The following SNX4 variants were observed in gnomAD, a reference collection of about 807,000 sequenced individuals.
SNX4 encodes the protein sorting nexin 4.
Under a neutral mutation model 70.8 loss-of-function variants are expected in SNX4, and 49 were observed. The ratio of observed to expected loss-of-function variants is 0.69; its 90% CI spans 0.55 to 0.88. SNX4 has a LOEUF of 0.88. Among genes scored for constraint, SNX4 ranks in the 40% least tolerant of loss-of-function variants. SNX4 has a pLI of 0.00. For synonymous variants in SNX4, 206 were observed against 183.8 expected (o/e 1.12, Z -0.98); for missense variants, 528 against 544.8 (o/e 0.97, Z 0.31).
At chr3:125,483,559 C>T (rs1934462567) in intron 6 of SNX4, among the ~76,000 whole-genome samples, 1 of 152,132 alleles carries the variant, frequency 6.6e-6, no homozygotes, top group Non-Finnish European at 1.5e-5. Flanking sequence ...GGTCTTAACA[C>T]CTTTGGTCAC....
At chr3:125,518,445 G>C (rs1024875072) in intron 1 of SNX4, among the ~76,000 whole-genome samples, 1 of 151,580 alleles carries the variant, frequency 6.6e-6, no homozygotes, top group African/African-American at 2.4e-5. Context: ...CTGGGAGACA[G>C]AGTGAGAACC....
At chr3:125,509,671 T>C (rs1935126334) in intron 1 of SNX4, among the ~76,000 whole-genome samples, 1 of 145,124 alleles carries the variant, frequency 6.9e-6, no homozygotes, top group African/African-American at 2.6e-5. Context: ...GAGAATCACT[T>C]GAGCCTGGGA....
At position 125,469,484 on chromosome 3, in the gene SNX4, C is replaced by T. The variant is rs1241379543; in HGVS notation, c.824G>A (p.Gly275Glu). 1 of 1,613,620 alleles carries T rather than the reference C, an allele frequency of 6.2e-7. No homozygotes were observed. Among genetic ancestry groups the T allele is most frequent in the African/African-American group, 1.3e-5 (1 of 74,932 alleles). The change falls in exon 9 of 14, where the codon GGA (glycine) becomes GAA (glutamate). Residue 275 changes from glycine to glutamate, a missense_variant. Coordinates refer to ENST00000251775, the MANE Select transcript of SNX4 (RefSeq NM_003794.4). The stretch of plus-strand genomic sequence containing the variant: ...CATATGATGACCAGCACTCTGCAGT[C>T]CATCACCCATTTCTTTTTCTATGGC... ...WSAIEKEMGD[G>E]LQSAGHHMDV...
At chr3:125,462,987 T>C (rs898052465) in intron 9 of SNX4, among the ~76,000 whole-genome samples, 1 of 152,226 alleles carries the variant, frequency 6.6e-6, no homozygotes. Context: ...GCATTGTAAA[T>C]TCCATAAGGA....
intron 8 of SNX4, among the ~76,000 whole-genome samples, chr3:125,470,448 CTT>C (rs1934136747): frequency 6.7e-6 from 1 of 150,184 alleles, no homozygotes; most frequent in South Asian, 2.1e-4. Flanking sequence ...GTATTATACT[CTT>C]AGTATAGATG....
In SNX4 at chr3:125,504,680, G is replaced by C; in HGVS notation, c.206C>G (p.Thr69Ser). 1 of 1,613,942 alleles carries C rather than the reference G, an allele frequency of 6.2e-7. No individual in the cohort carries two copies. Reference sequence around the variant, plus strand: ...TTGCATGTTCATGGCATTTCTTCCAGTTCGTTTTTCTGCTTCTGAAACACT... The same window carrying C: ...TTGCATGTTCATGGCATTTCTTCCACTTCGTTTTTCTGCTTCTGAAACACT... ...EISVSEAEKRTGRNAMNMQET... is the reference protein window; with the variant it reads ...EISVSEAEKRSGRNAMNMQET... The change falls in exon 2 of 14, where the codon ACT (threonine) becomes AGT (serine). Residue 69 changes from threonine to serine, a missense_variant. By Grantham distance (58) the Thr-to-Ser change is moderately conservative. Around this residue, in one of 3 missense-constraint regions of SNX4, gnomAD observed 341 missense variants for 312.2 expected, o/e 1.09. Transcript: ENST00000251775.
intron 9 of SNX4, among the ~76,000 whole-genome samples, chr3:125,465,862 C>G (rs1167064944): frequency 6.6e-6 from 1 of 152,026 alleles, no homozygotes; most frequent in Non-Finnish European, 1.5e-5. Flanking sequence ...AGCCTGGTCT[C>G]AAACTCCTGA....
At position 125,458,814 on chromosome 3, in the gene SNX4, CAAAAAAAAAAAAA is replaced by C. The variant is rs71148180; in HGVS notation, c.945-1462_945-1450del. On this transcript the variant is annotated intron_variant, in intron 10 of 13. Coordinates refer to ENST00000251775, the MANE Select transcript of SNX4 (RefSeq NM_003794.4). The stretch of plus-strand genomic sequence containing the variant: ...TGGGTGAAAGAGCGAGACTCCGTCT[CAAAAAAAAAAAAA>C]AAAAAAAAAAAAAAAAAAGAAAAGA... 4.2e-4 allele frequency among the ~76,000 whole-genome samples: 27 copies of C among 64,532 alleles called. No homozygotes were observed. The East Asian group carries it at 6.8e-3, about 16-fold the overall frequency. The allele number at this position is 64,532 out of a possible 152,430, so 42.3% of individuals were successfully genotyped here.
chr3:125,466,720 A>G (rs999224230), intron 9 of SNX4, among the ~76,000 whole-genome samples: 2 of 152,180 alleles, frequency 1.3e-5, no homozygotes, highest in Non-Finnish European at 2.9e-5. Flanking sequence ...TGAACTGGGG[A>G]GGAGGAGGCT....
intron 1 of SNX4, among the ~76,000 whole-genome samples, chr3:125,509,330 C>CA (rs577424404): frequency 0.11 from 6,291 of 54,946 alleles, 384 homozygotes; most frequent in African/African-American, 0.24. Context: ...AACTCCGTCT[C>CA]AAAAAAAAAA....
chr3:125,487,785 T>A (rs566145121), intron 6 of SNX4, among the ~76,000 whole-genome samples: 1 of 150,558 alleles, frequency 6.6e-6, no homozygotes, highest in African/African-American at 2.4e-5. Context: ...ACTATAGCGA[T>A]AATAAAAAGA....
chr3:125,519,943 G>C, intron 1 of SNX4, 89 bp downstream of exon 1: 1 of 1,011,078 alleles, frequency 9.9e-7, no homozygotes, highest in Non-Finnish European at 1.3e-6. Flanking sequence ...CCACTGGCCC[G>C]GCCCGGCCCA....
chr3:125,483,919 A>G (rs1221615140), intron 6 of SNX4, among the ~76,000 whole-genome samples: 1 of 152,270 alleles, frequency 6.6e-6, no homozygotes, highest in Non-Finnish European at 1.5e-5. Context: ...GAGGAATCTT[A>G]TCATAAATGA....
chr3:125,458,704 C>G (rs527531039), intron 10 of SNX4, among the ~76,000 whole-genome samples: 1 of 150,468 alleles, frequency 6.6e-6, no homozygotes, highest in African/African-American at 2.4e-5. Flanking sequence ...CTCCCAGCTA[C>G]GCGGGAGGCT....
At chr3:125,452,449 T>A (rs6438902) in intron 12 of SNX4, among the ~76,000 whole-genome samples, 63,870 of 151,810 alleles carry the variant, frequency 0.42, 14,908 homozygotes, top group African/African-American at 0.65. Flanking sequence ...TTAGCCAGGC[T>A]TGGTAGCCGG....
rs113559496 is a variant in SNX4 at position 125,508,554 on chromosome 3, G to A, written c.142-3810C>T. Among the ~76,000 whole-genome samples, 1,103 of 148,096 alleles carry A rather than the reference G, an allele frequency of 7.4e-3. 9 individuals carry two copies. Among genetic ancestry groups the A allele is most frequent in the African/African-American group, 0.022 (849 of 39,384 alleles). On this transcript the variant is annotated intron_variant, in intron 1 of 13. Transcript: ENST00000251775. ...TGCACTCCAGCCTGGGCAACAGAGC[G>A]AGACTCTGTCTCAAAAAAAAAAAAA...
At position 125,457,320 on chromosome 3, in the gene SNX4, C is replaced by T. The variant is rs1220054644; in HGVS notation, c.990G>A (p.Met330Ile). The T allele has an allele frequency of 6.2e-7, 1 of 1,614,060 alleles. No individual in the cohort carries two copies. The highest frequency in any genetic ancestry group is 1.3e-5 in the African/African-American group (1 of 75,024). ...KHELMQYDLE[M>I]AAQDLASKKQ... ...TCTTGGATGCTAAGTCCTGAGCAGC[C>T]ATCTCCAAGTCATACTGCATAAGTT... Residue 330 changes from methionine to isoleucine, a missense_variant, in exon 11 of 14, where the codon ATG (methionine) becomes ATA (isoleucine). By Grantham distance (10) the Met-to-Ile change is conservative (BLOSUM62 1). Coordinates refer to ENST00000251775, the MANE Select transcript of SNX4 (RefSeq NM_003794.4).
At chr3:125,497,714 TAACA>T in intron 4 of SNX4, 116 bp downstream of exon 4, 1 of 703,216 alleles carries the variant, frequency 1.4e-6, no homozygotes, top group Admixed American at 3.5e-5. Flanking sequence ...TAGAAATTCA[TAACA>T]AAAAATAAAT....
At chr3:125,448,273 C>T (rs1181522797) in intron 13 of SNX4, among the ~76,000 whole-genome samples, 7 of 150,966 alleles carry the variant, frequency 4.6e-5, no homozygotes, top group Middle Eastern at 3.4e-3. Flanking sequence ...CACAAGTGCA[C>T]GCCACCACAC....
Sources: allele counts gnomAD v4.1 joint callset (sites outside exome capture counted in the v4.1 genomes callset), GRCh38; gene constraint gnomAD v4.1.1; regional missense constraint gnomAD v4.1.1; transcripts MANE v1.5; gene names NCBI Gene and HGNC (gene_info 2026-07-23, HGNC 2026-07-21).